FHIP2B: variants seen among roughly 807,000 people sequenced by gnomAD.
FHIP2B encodes the protein FHF complex subunit HOOK interacting protein 2B.
A neutral mutation model predicts 84.0 loss-of-function variants in FHIP2B; 72 were observed. That is an observed-to-expected ratio of 0.86 (90% CI 0.71 to 1.04). The LOEUF is 1.04. Among genes scored for constraint, FHIP2B ranks in the 50% least tolerant of loss-of-function variants. FHIP2B has a pLI of 0.00. For synonymous variants in FHIP2B, 497 were observed against 418.7 expected (o/e 1.19, Z -2.28); for missense variants, 972 against 968.9 (o/e 1.00, Z -0.04).
Position 22,102,679 on chromosome 8 carries a change from G to A in FHIP2B, c.2093+51G>A, listed in dbSNP as rs555090533. 14 of 1,571,910 alleles carry A rather than the reference G, an allele frequency of 8.9e-6. No individual in the cohort carries two copies. In the South Asian group the frequency reaches 1.4e-4, roughly 16 times the overall value. On this transcript the variant is annotated intron_variant, in intron 16 of 16. Coordinates refer to ENST00000289921, the MANE Select transcript of FHIP2B (RefSeq NM_022749.7). The stretch of plus-strand genomic sequence containing the variant: ...GCCTTGGGGTGGGAGAGTGGAAAGC[G>A]CCTCTGGAGGAGAGGTGGCTGGCCA...
rs1443160278 is a variant in FHIP2B at position 22,096,332 on chromosome 8, A to C, written c.125-5A>C. The C allele has an allele frequency of 6.5e-7, 1 of 1,548,128 alleles. No individual in the cohort carries two copies. The highest frequency in any genetic ancestry group is 2.4e-5 in the East Asian group (1 of 41,080). Reference sequence around the variant, plus strand: ...TACTCACCCTTGTTTCCCAAACATCATTAGATGAAAGCACCCCCGCCAAGA... The same window carrying C: ...TACTCACCCTTGTTTCCCAAACATCCTTAGATGAAAGCACCCCCGCCAAGA... On this transcript the variant is annotated splice_polypyrimidine_tract_variant and splice_region_variant and intron_variant, in intron 2 of 16. Coordinates refer to ENST00000289921, the MANE Select transcript of FHIP2B (RefSeq NM_022749.7).
intron 3 of FHIP2B, 38 bp from the exon 4 acceptor site, chr8:22,097,478 G>GGA: frequency 6.5e-7 from 1 of 1,545,658 alleles, no homozygotes; most frequent in African/African-American, 1.4e-5. Flanking sequence ...GGCAGGCAGG[G>GGA]GACACGGCTC....
rs373268955 is a variant in FHIP2B at position 22,100,813 on chromosome 8, C to G, written c.1488-31C>G. 51 of 1,613,470 alleles carry G rather than the reference C, an allele frequency of 3.2e-5. No individual in the cohort carries two copies. The African/African-American group carries it at 6.5e-4, about 21-fold the overall frequency. Reference sequence around the variant, plus strand: ...CACGCTCACTCTGTCCATTCATTCACTGGTGCCGTACTGCTCTGCCCTGGC... The same window carrying G: ...CACGCTCACTCTGTCCATTCATTCAGTGGTGCCGTACTGCTCTGCCCTGGC... On this transcript the variant is annotated intron_variant, in intron 11 of 16. Transcript: ENST00000289921.
chr8:22,098,841 C>T (rs1033786389), intron 7 of FHIP2B, 107 bp from the exon 8 acceptor site: 1 of 1,057,040 alleles, frequency 9.5e-7, no homozygotes. Context: ...GATCCCCAGC[C>T]ACAGAGGTTC....
chr8:22,102,324 G>A lies in FHIP2B; in HGVS notation c.1992+9G>A, dbSNP rs762383168. 61 of 1,610,756 alleles carry A rather than the reference G, an allele frequency of 3.8e-5. No individual in the cohort carries two copies. In the Admixed American group the frequency reaches 9.2e-4, roughly 24 times the overall value. On this transcript the variant is annotated intron_variant, in intron 15 of 16. Coordinates refer to ENST00000289921, the MANE Select transcript of FHIP2B (RefSeq NM_022749.7). Reference sequence around the variant, plus strand: ...TCTCCGTGTTGGTGAGGGTGAGGACGCCTCGGCCCAAGGGAGTGTGCCTAG... The same window carrying A: ...TCTCCGTGTTGGTGAGGGTGAGGACACCTCGGCCCAAGGGAGTGTGCCTAG...
intron 2 of FHIP2B, chr8:22,095,197 C>G (rs1825696145): frequency 6.6e-6 from 1 of 152,342 alleles, no homozygotes; most frequent in African/African-American, 2.4e-5. Flanking sequence ...TTGATCCCAG[C>G]CCACACCTTT....
chr8:22,091,240 CTTTT>C (rs71204535), intron 1 of FHIP2B, among the ~76,000 whole-genome samples: 14 of 117,742 alleles, frequency 1.2e-4, no homozygotes, highest in African/African-American at 3.1e-4. Context: ...ATCATTACAG[CTTTT>C]TTTTTTTTTT....
intron 14 of FHIP2B, 36 bp downstream of exon 14, chr8:22,101,887 T>C: frequency 1.2e-6 from 2 of 1,605,872 alleles, no homozygotes; most frequent in Non-Finnish European, 1.7e-6. Context: ...AACTCCAGGC[T>C]GGTGCCTCTG....
At chr8:22,089,696 C>G (rs989223751) in intron 1 of FHIP2B, 32 of 1,132,174 alleles carry the variant, frequency 2.8e-5, no homozygotes, top group Non-Finnish European at 3.4e-5. Flanking sequence ...TTCCTCCGCT[C>G]CACCCCACCG....
rs751610973 is a variant in FHIP2B, at chr8:22,099,291, C to T, written c.1082C>T (p.Ala361Val). 10 of 1,613,584 alleles carry T rather than the reference C, an allele frequency of 6.2e-6. No individual in the cohort carries two copies. The highest frequency in any genetic ancestry group is 5.5e-5 in the South Asian group (5 of 90,956). Residue 361 changes from alanine to valine, a missense_variant, in exon 9 of 17, where the codon GCG becomes GTG. Transcript: ENST00000289921. ...GCGCTCTCTGGCACCCAGGTGGTTG[C>T]GGACGCCTTGGCGAAGGCTGTGGCT... is the stretch of plus-strand genomic sequence containing the variant. ...HLITEAHTVV[A>V]DALAKAVAEN...
At position 22,102,899 on chromosome 8, in the gene FHIP2B, A is replaced by C; in HGVS notation, c.2200A>C (p.Asn734His). The change falls in exon 17 of 17, where the codon AAC becomes CAC. Residue 734 changes from asparagine to histidine, a missense_variant. Physicochemically the swap from Asn to His is moderately conservative, Grantham distance 68. Coordinates refer to ENST00000289921, the MANE Select transcript of FHIP2B (RefSeq NM_022749.7). ...VKFPPHDPRQ[N>H]VSPAPEGQV ...GTTTCCCCCACATGATCCTCGCCAGAACGTCTCCCCAGCCCCGGAAGGGCA... is the reference window on the plus strand; with the variant it reads ...GTTTCCCCCACATGATCCTCGCCAGCACGTCTCCCCAGCCCCGGAAGGGCA... The C allele has an allele frequency of 6.2e-7, 1 of 1,613,638 alleles. No homozygotes were observed. The highest frequency in any genetic ancestry group is 8.5e-7 in the Non-Finnish European group (1 of 1,179,810).
intron 5 of FHIP2B, 50 bp downstream of exon 5, chr8:22,097,889 C>G: frequency 6.3e-7 from 1 of 1,597,222 alleles, no homozygotes; most frequent in Non-Finnish European, 8.6e-7. Context: ...AACCCCAGGG[C>G]AAGCCCCCTC....
intron 2 of FHIP2B, chr8:22,095,419 C>G (rs1586321920): frequency 6.6e-6 from 1 of 152,280 alleles, no homozygotes; most frequent in Admixed American, 6.5e-5. Flanking sequence ...ACCCCACCCC[C>G]GAATTGGGAC....
At chr8:22,101,617 C>A in intron 13 of FHIP2B, 87 bp downstream of exon 13, 2 of 1,556,240 alleles carry the variant, frequency 1.3e-6, no homozygotes, top group East Asian at 2.4e-5. Context: ...CTCATCTGCC[C>A]AAGGACCCCA....
At position 22,102,909 on chromosome 8, in the gene FHIP2B, C is replaced by T. The variant is rs376669427; in HGVS notation, c.2210C>T (p.Pro737Leu). The change falls in exon 17 of 17, where the codon CCA becomes CTA. Residue 737 changes from proline to leucine, a missense_variant. Coordinates refer to ENST00000289921, the MANE Select transcript of FHIP2B (RefSeq NM_022749.7). ...PPHDPRQNVS[P>L]APEGQV ...CATGATCCTCGCCAGAACGTCTCCC[C>T]AGCCCCGGAAGGGCAGGTCTGAGCC... is the stretch of plus-strand genomic sequence containing the variant. 1 of 1,613,596 alleles carries T rather than the reference C, an allele frequency of 6.2e-7. No individual in the cohort carries two copies. The highest frequency in any genetic ancestry group is 8.5e-7 in the Non-Finnish European group (1 of 1,179,818).
chr8:22,100,342 A>T, intron 10 of FHIP2B: 1 of 436,156 alleles, frequency 2.3e-6, no homozygotes. Flanking sequence ...AGACATGGAA[A>T]GTAAGGCACG....
chr8:22,096,575 AGGTG>A, intron 3 of FHIP2B, 66 bp downstream of exon 3: 1 of 1,427,086 alleles, frequency 7.0e-7, no homozygotes, highest in Non-Finnish European at 9.2e-7. Context: ...GGCCAGGCCG[AGGTG>A]GGAGGCCTCT....
intron 1 of FHIP2B, among the ~76,000 whole-genome samples, chr8:22,092,453 G>A (rs912617202): frequency 3.9e-5 from 6 of 152,126 alleles, no homozygotes; most frequent in Non-Finnish European, 1.5e-5. Context: ...GGTGGCACAT[G>A]TCTGTAATCC....
In FHIP2B at chr8:22,099,375, C is replaced by T. The variant is rs1011053149; in HGVS notation, c.1151+15C>T. Reference sequence around the variant, plus strand: ...CTCCTGCACGTGTAAGTGTCTAGTTCCCTCAGGCATGACTGTGGTCTACAG... The same window carrying T: ...CTCCTGCACGTGTAAGTGTCTAGTTTCCTCAGGCATGACTGTGGTCTACAG... On this transcript the variant is annotated intron_variant, in intron 9 of 16. Transcript: ENST00000289921. 3 of 1,612,120 alleles carry T rather than the reference C, an allele frequency of 1.9e-6. No homozygotes were observed. Among genetic ancestry groups the T allele is most frequent in the African/African-American group, 1.3e-5 (1 of 74,900 alleles).
Sources: gnomAD v4.1 joint callset for allele counts (sites outside exome capture counted in the v4.1 genomes callset) on GRCh38, gnomAD v4.1.1 for gene constraint, MANE v1.5 for transcripts, NCBI Gene and HGNC (gene_info 2026-07-23, HGNC 2026-07-21) for gene names.